Variants in FAM98B observed in about 807,000 individuals in gnomAD.
FAM98B encodes the protein tRNA splicing ligase complex subunit 3B, also known as tRNA-splicing ligase complex subunit FAM98B.
In FAM98B, 32 loss-of-function variants were observed where a neutral mutation model predicts 43.9. That is an observed-to-expected ratio of 0.73 (90% CI 0.55 to 0.98). FAM98B has a LOEUF of 0.98. Among genes scored for constraint, FAM98B ranks in the 50% least tolerant of loss-of-function variants. The pLI is 0.00. For missense variants in FAM98B, 514 were observed against 522.9 expected (o/e 0.98, Z 0.17); for synonymous variants, 190 against 174.0 (o/e 1.09, Z -0.72).
intron 1 of FAM98B, among the ~76,000 whole-genome samples, chr15:38,462,499 G>A (rs1889965127): frequency 6.6e-6 from 1 of 152,094 alleles, no homozygotes; most frequent in Non-Finnish European, 1.5e-5. Flanking sequence ...AATCACATGG[G>A]AATTGTTTTT....
At chr15:38,468,933 A>G (rs1890080333) in intron 3 of FAM98B, among the ~76,000 whole-genome samples, 1 of 152,144 alleles carries the variant, frequency 6.6e-6, no homozygotes, top group Admixed American at 6.5e-5. Flanking sequence ...TTGAGATGGA[A>G]TCTTGATCTG....
chr15:38,483,878 G>A (rs935756255), intron 7 of FAM98B, among the ~76,000 whole-genome samples: 2 of 151,770 alleles, frequency 1.3e-5, no homozygotes, highest in African/African-American at 4.8e-5. Context: ...ACATAGTGAT[G>A]TTTTGATACA....
At chr15:38,470,662 G>T in intron 4 of FAM98B, 1 of 264,414 alleles carries the variant, frequency 3.8e-6, no homozygotes, top group Non-Finnish European at 7.1e-6. Context: ...AAATCACTTA[G>T]CAAATTTAAG....
chr15:38,479,082 T>A (rs1890247319), intron 6 of FAM98B, among the ~76,000 whole-genome samples: 1 of 151,986 alleles, frequency 6.6e-6, no homozygotes, highest in African/African-American at 2.4e-5. Context: ...TGGCCTTCGC[T>A]CAGGCAGCTG....
chr15:38,464,002 A>G, intron 1 of FAM98B, 30 bp from the exon 2 acceptor site: 1 of 1,564,540 alleles, frequency 6.4e-7, no homozygotes, highest in South Asian at 1.2e-5. Flanking sequence ...TGGCTTATTT[A>G]GTTTTTAACT....
rs537349939 is a variant in FAM98B at position 38,473,498 on chromosome 15, C to T, written c.532-7C>T. The T allele has an allele frequency of 3.0e-5, 47 of 1,587,566 alleles. No individual in the cohort carries two copies. In the South Asian group the frequency reaches 5.3e-4, roughly 18 times the overall value. The stretch of plus-strand genomic sequence containing the variant: ...CATTTTTCACAATCTTTTATATTTA[C>T]TTTTAGGTGAAAGATATTCTCTCAA... On this transcript the variant is annotated splice_polypyrimidine_tract_variant and splice_region_variant and intron_variant, in intron 4 of 7. Transcript: ENST00000397609.
At position 38,486,305 on chromosome 15, in the gene FAM98B, C is replaced by T. The variant is rs1049364365; in HGVS notation, c.*1646C>T. ...AGGCTTTCCATAATTAAGAAAATAC[C>T]TTTATCAGTAGCTATGAACTCTGAA... On this transcript the variant is annotated 3_prime_UTR_variant, in exon 8 of 8. Coordinates refer to ENST00000397609, the MANE Select transcript of FAM98B (RefSeq NM_173611.4). The T allele has an allele frequency of 6.6e-6, 1 of 151,838 alleles. No homozygotes were observed. Among genetic ancestry groups the T allele is most frequent in the African/African-American group, 2.4e-5 (1 of 41,350 alleles). 9.4% of individuals were successfully genotyped at this position (151,838 alleles called of 1,614,324 possible).
intron 5 of FAM98B, 58 bp from the exon 6 acceptor site, chr15:38,474,119 ATTTCT>A (rs1890162872): frequency 1.1e-5 from 14 of 1,256,276 alleles, no homozygotes; most frequent in South Asian, 2.5e-5. Context: ...CAATTTTCAG[ATTTCT>A]TTTCTTTGCA....
chr15:38,475,109 C>T (rs1199925900), intron 6 of FAM98B, among the ~76,000 whole-genome samples: 2 of 151,378 alleles, frequency 1.3e-5, no homozygotes, highest in Non-Finnish European at 3.0e-5. Flanking sequence ...TCTTCTGCCC[C>T]ATGCTGGATC....
intron 6 of FAM98B, among the ~76,000 whole-genome samples, chr15:38,475,733 C>T (rs1890189535): frequency 6.6e-6 from 1 of 152,196 alleles, no homozygotes; most frequent in South Asian, 2.1e-4. Context: ...ATCATACCTG[C>T]ATCTGTAAGG....
intron 1 of FAM98B, among the ~76,000 whole-genome samples, chr15:38,457,658 A>G (rs1210896774): frequency 6.6e-6 from 1 of 152,124 alleles, no homozygotes. Flanking sequence ...GATAGGGTAT[A>G]CATACAGACA....
At chr15:38,460,094 C>G (rs1889923627) in intron 1 of FAM98B, among the ~76,000 whole-genome samples, 1 of 152,158 alleles carries the variant, frequency 6.6e-6, no homozygotes, top group African/African-American at 2.4e-5. Context: ...TTGGATCACC[C>G]AGCTTGAAGT....
intron 6 of FAM98B, among the ~76,000 whole-genome samples, chr15:38,481,084 C>G (rs1890276183): frequency 1.3e-5 from 2 of 151,944 alleles, no homozygotes; most frequent in Admixed American, 6.6e-5. Flanking sequence ...CGAGTTGTTG[C>G]TGGTAGTTAC....
chr15:38,466,913 C>T (rs1595799099), intron 3 of FAM98B, among the ~76,000 whole-genome samples: 1 of 152,124 alleles, frequency 6.6e-6, no homozygotes, highest in Admixed American at 6.5e-5. Flanking sequence ...AGATTAAGAT[C>T]CTGTTTCAGA....
At chr15:38,469,342 A>T (rs1326130873) in intron 3 of FAM98B, among the ~76,000 whole-genome samples, 1 of 152,234 alleles carries the variant, frequency 6.6e-6, no homozygotes, top group African/African-American at 2.4e-5. Flanking sequence ...GGACTTGTAA[A>T]CAGTTTGGGG....
At chr15:38,459,580 G>C in intron 1 of FAM98B, 1 of 245,784 alleles carries the variant, frequency 4.1e-6, no homozygotes, top group Non-Finnish European at 8.1e-6. Context: ...GGAAGAACCA[G>C]TGAGCCCATG....
At chr15:38,481,559 T>C in intron 7 of FAM98B, 100 bp downstream of exon 7, 1 of 1,612,822 alleles carries the variant, frequency 6.2e-7, no homozygotes, top group Non-Finnish European at 8.5e-7. Flanking sequence ...CTGGTAAATG[T>C]TTAGAAAAAA....
chr15:38,456,064 G>A (rs536910939), intron 1 of FAM98B, among the ~76,000 whole-genome samples: 1 of 152,298 alleles, frequency 6.6e-6, no homozygotes, highest in South Asian at 2.1e-4. Flanking sequence ...AAGGTATTGA[G>A]GATATCAGCA....
chr15:38,457,441 A>C (rs190452760), intron 1 of FAM98B, among the ~76,000 whole-genome samples: 59 of 152,334 alleles, frequency 3.9e-4, no homozygotes, highest in African/African-American at 1.1e-3. Flanking sequence ...ATGCAGAGGA[A>C]TCAATGAATG....
Sources: gnomAD v4.1 joint callset for allele counts (sites outside exome capture counted in the v4.1 genomes callset) on GRCh38, gnomAD v4.1.1 for gene constraint, MANE v1.5 for transcripts, NCBI Gene and HGNC (gene_info 2026-07-23, HGNC 2026-07-21) for gene names.